The following PPP3CA variants were observed in gnomAD, a reference collection of about 807,000 sequenced individuals.
PPP3CA encodes protein phosphatase 3 catalytic subunit alpha, also known as CAM-PRP catalytic subunit.
Under a neutral mutation model 66.5 loss-of-function variants are expected in PPP3CA, and 14 were observed. That is an observed-to-expected ratio of 0.21 (90% CI 0.14 to 0.33). The LOEUF (loss-of-function observed/expected upper bound fraction) is 0.33. Ranked by LOEUF, PPP3CA falls within the 10% of genes least tolerant of loss-of-function variation. The pLI is 1.00. For missense variants in PPP3CA, 317 were observed against 639.5 expected, an observed-to-expected ratio of 0.50 and a Z score of 5.44; for synonymous variants, 232 against 226.2, an observed-to-expected ratio of 1.03 and a Z score of -0.23.
intron 2 of PPP3CA, among the ~76,000 whole-genome samples, chr4:101,112,420 C>A (rs1267245126): frequency 6.6e-6 from 1 of 152,098 alleles, no homozygotes; most frequent in African/African-American, 2.4e-5. Flanking sequence ...GCTGTAAACT[C>A]TGCATGGAAA....
Position 101,032,267 on chromosome 4 carries a change from C to A in PPP3CA, c.1339G>T (p.Ala447Ser). Residue 447 changes from alanine to serine, a missense_variant and splice_region_variant, in exon 12 of 14, where the codon GCT (alanine) becomes TCT (serine). Around this residue, in one of 3 missense-constraint regions of PPP3CA, gnomAD observed 201 missense variants for 501.4 expected, o/e 0.40. Coordinates refer to ENST00000394854, the MANE Select transcript of PPP3CA (RefSeq NM_000944.5). ...CAGTCATACCCATCAGCCTGCTTAC[C>A]GCTTTGCAGGGTTTGCTTCCCTCCA... Reference protein sequence around the residue: ...LSGGKQTLQSATVEAIEADEA... With the variant: ...LSGGKQTLQSSTVEAIEADEA... The A allele has an allele frequency of 6.3e-7, 1 of 1,595,474 alleles. No individual in the cohort carries two copies. Among genetic ancestry groups the A allele is most frequent in the Admixed American group, 1.8e-5 (1 of 56,730 alleles).
intron 1 of PPP3CA, among the ~76,000 whole-genome samples, chr4:101,325,702 T>C (rs942004449): frequency 2.0e-5 from 3 of 152,162 alleles, no homozygotes; most frequent in African/African-American, 7.2e-5. Flanking sequence ...ATATAACTTA[T>C]GTTGTAGAAA....
At chr4:101,098,624 G>A (rs1730305399) in intron 4 of PPP3CA, 112 bp from the exon 5 acceptor site, 1 of 917,566 alleles carries the variant, frequency 1.1e-6, no homozygotes, top group Non-Finnish European at 1.6e-6. Context: ...TTAACATAAA[G>A]GCACATACTA....
At chr4:101,093,691 A>G (rs147976679) in intron 6 of PPP3CA, 85 bp downstream of exon 6, 1 of 1,313,352 alleles carries the variant, frequency 7.6e-7, no homozygotes, top group Non-Finnish European at 1.0e-6. Context: ...TAATACAAAC[A>G]TTATAAATAA....
chr4:101,177,138 G>A (rs1348823422), intron 2 of PPP3CA, among the ~76,000 whole-genome samples: 2 of 152,128 alleles, frequency 1.3e-5, no homozygotes, highest in African/African-American at 4.8e-5. Context: ...AAAACTAGTG[G>A]TTTTAAAATG....
intron 2 of PPP3CA, among the ~76,000 whole-genome samples, chr4:101,122,464 T>A (rs1278565632): frequency 6.6e-6 from 1 of 152,190 alleles, no homozygotes; most frequent in African/African-American, 2.4e-5. Flanking sequence ...ACAGGGTAGA[T>A]TCTGCTGCTT....
At chr4:101,035,650 T>A (rs1578391868) in intron 11 of PPP3CA, among the ~76,000 whole-genome samples, 1 of 151,850 alleles carries the variant, frequency 6.6e-6, no homozygotes, top group Non-Finnish European at 1.5e-5. Flanking sequence ...AGATGGTCAT[T>A]TTCCTTCCTT....
chr4:101,330,555 GAC>G, intron 1 of PPP3CA: 1 of 432,590 alleles, frequency 2.3e-6, no homozygotes, highest in South Asian at 1.8e-5. Flanking sequence ...ACACTTAACA[GAC>G]TACAGTATAG....
At chr4:101,225,357 T>C (rs1452676414) in intron 1 of PPP3CA, among the ~76,000 whole-genome samples, 1 of 151,704 alleles carries the variant, frequency 6.6e-6, no homozygotes, top group Non-Finnish European at 1.5e-5. Context: ...GTTGAATAAA[T>C]GAATAAGCTA....
intron 8 of PPP3CA, among the ~76,000 whole-genome samples, chr4:101,079,168 T>C (rs1266935815): frequency 6.6e-6 from 1 of 152,054 alleles, no homozygotes; most frequent in East Asian, 1.9e-4. Context: ...TGCTTGGGAA[T>C]AAAGGTGGCC....
chr4:101,210,056 A>G (rs1169977822), intron 1 of PPP3CA, among the ~76,000 whole-genome samples: 1 of 152,148 alleles, frequency 6.6e-6, no homozygotes, highest in Admixed American at 6.6e-5. Flanking sequence ...TTCTGAGAAG[A>G]AAGGCCATAA....
rs1726585061 is a variant in PPP3CA at position 101,025,404 on chromosome 4, T to G, written c.*461A>C. 1 of 152,366 alleles carries G rather than the reference T, an allele frequency of 6.6e-6. No homozygotes were observed. The highest frequency in any genetic ancestry group is 1.5e-5 in the Non-Finnish European group (1 of 68,088). 9.4% of individuals were successfully genotyped at this position (152,366 alleles called of 1,614,324 possible). ...AAATAGTCCTTAGTTTGTACATCAT[T>G]TTGTTAAAAATGTTTGATGTCATCC... On this transcript the variant is annotated 3_prime_UTR_variant, in exon 14 of 14. Coordinates refer to ENST00000394854, the MANE Select transcript of PPP3CA (RefSeq NM_000944.5).
At chr4:101,075,464 C>T (rs1203418844) in intron 8 of PPP3CA, among the ~76,000 whole-genome samples, 1 of 152,144 alleles carries the variant, frequency 6.6e-6, no homozygotes, top group Non-Finnish European at 1.5e-5. Context: ...TATTTCTCTA[C>T]ATATGTATCT....
chr4:101,299,210 C>T (rs962165484), intron 1 of PPP3CA, among the ~76,000 whole-genome samples: 1 of 143,560 alleles, frequency 7.0e-6, no homozygotes, highest in Non-Finnish European at 1.5e-5. Flanking sequence ...GTCTCAGCCT[C>T]CCAAAGTCCT....
chr4:101,116,299 T>A (rs1721836704), intron 2 of PPP3CA, among the ~76,000 whole-genome samples: 1 of 151,898 alleles, frequency 6.6e-6, no homozygotes, highest in Non-Finnish European at 1.5e-5. Flanking sequence ...GTTTTTTCCA[T>A]AATAGCCACA....
At chr4:101,208,449 G>C (rs1269521119) in intron 1 of PPP3CA, among the ~76,000 whole-genome samples, 1 of 152,134 alleles carries the variant, frequency 6.6e-6, no homozygotes, top group African/African-American at 2.4e-5. Flanking sequence ...GAGAGGAATG[G>C]AGCCATTCTT....
chr4:101,217,946 C>T (rs548755905), intron 1 of PPP3CA, among the ~76,000 whole-genome samples: 17 of 152,130 alleles, frequency 1.1e-4, no homozygotes, highest in Non-Finnish European at 1.9e-4. Flanking sequence ...CAGACAGAGG[C>T]CCCGAGTGAC....
intron 8 of PPP3CA, among the ~76,000 whole-genome samples, chr4:101,068,914 A>G (rs995338521): frequency 6.6e-6 from 1 of 152,130 alleles, no homozygotes; most frequent in African/African-American, 2.4e-5. Flanking sequence ...TCAAGCCTTA[A>G]ATTTTTAGGT....
intron 1 of PPP3CA, among the ~76,000 whole-genome samples, chr4:101,273,868 A>G (rs1269581392): frequency 6.6e-6 from 1 of 152,222 alleles, no homozygotes; most frequent in Non-Finnish European, 1.5e-5. Context: ...ATGAAATAAG[A>G]AAACATCTTG....
Sources: gnomAD v4.1 joint callset for allele counts (sites outside exome capture counted in the v4.1 genomes callset) on GRCh38, gnomAD v4.1.1 for gene constraint, gnomAD v4.1.1 regional missense constraint, MANE v1.5 for transcripts, NCBI Gene and HGNC (gene_info 2026-07-23, HGNC 2026-07-21) for gene names.